Variants in LITAF observed in about 807,000 individuals in gnomAD.
The protein encoded by LITAF is lipopolysaccharide induced TNF factor.
A neutral mutation model predicts 14.5 loss-of-function variants in LITAF; 9 were observed. The ratio of observed to expected loss-of-function variants is 0.62; its 90% CI spans 0.37 to 1.08. The LOEUF is 1.08. LITAF is among the 50% of genes least tolerant of loss of function. The pLI is 0.01. For synonymous variants in LITAF, 98 were observed against 88.2 expected (o/e 1.11, Z -0.62); for missense variants, 206 against 213.4 (o/e 0.97, Z 0.22).
At chr16:11,623,256 C>T (rs947858626) in intron 3 of LITAF, among the ~76,000 whole-genome samples, 8 of 151,796 alleles carry the variant, frequency 5.3e-5, no homozygotes, top group South Asian at 2.1e-4. Context: ...CCACCGCGCC[C>T]GGCCGAATAT....
rs1312922639 is a variant in LITAF at position 11,635,814 on chromosome 16, A to G, written c.-21+11T>C. The G allele has an allele frequency of 3.9e-5, 6 of 152,012 alleles. No homozygotes were observed. The South Asian group carries it at 1.0e-3, about 26-fold the overall frequency. 9.4% of individuals were successfully genotyped at this position (152,012 alleles called of 1,614,324 possible). A position where few individuals can be genotyped will look rare whatever the true frequency, so the allele number is the denominator to read the frequency against. On this transcript the variant is annotated intron_variant, in intron 2 of 3. Coordinates refer to the LITAF transcript ENST00000574848. The stretch of plus-strand genomic sequence containing the variant: ...GACATACGGAGCATTTCTGAGCCAC[A>G]CTCCCAGTACCTTTTTGACTCCTCG...
chr16:11,588,943 G>A (rs556581773), upstream of LITAF, among the ~76,000 whole-genome samples: 12 of 151,474 alleles, frequency 7.9e-5, no homozygotes, highest in Non-Finnish European at 1.6e-4. Context: ...TAGTAAGCCT[G>A]AATTTTCTTC....
intron 3 of LITAF, among the ~76,000 whole-genome samples, chr16:11,611,092 A>G (rs747022784): frequency 7.2e-5 from 11 of 152,120 alleles, no homozygotes; most frequent in Admixed American, 5.2e-4. Flanking sequence ...ATGGTGGCTC[A>G]TGTCTCAGCA....
Position 11,548,722 on chromosome 16 carries a change from T to C in LITAF, c.*915A>G, listed in dbSNP as rs1287639797. On this transcript the variant is annotated 3_prime_UTR_variant, in exon 4 of 4. Transcript: ENST00000622633. ...CCAGCATGGTAGCTTATGCCTGCAA[T>C]CCCAGCACTTCGGGAGGCCAAGGCA... is the stretch of plus-strand genomic sequence containing the variant. The C allele has an allele frequency of 2.2e-6, 1 of 453,706 alleles. No homozygotes were observed. The highest frequency in any genetic ancestry group is 4.4e-6 in the Non-Finnish European group (1 of 226,700). The allele number at this position is 453,706 out of a possible 1,614,324, so 28.1% of individuals were successfully genotyped here.
At chr16:11,592,505 G>C (rs1177445605) in intron 1 of LITAF, among the ~76,000 whole-genome samples, 1 of 151,282 alleles carries the variant, frequency 6.6e-6, no homozygotes, top group East Asian at 1.9e-4. Context: ...AGCCTGGGAG[G>C]TCAACACTGC....
chr16:11,566,567 C>A (rs28719938), intron 1 of LITAF, among the ~76,000 whole-genome samples: 1 of 152,094 alleles, frequency 6.6e-6, no homozygotes, highest in Non-Finnish European at 1.5e-5. Flanking sequence ...AGTTCGAGAC[C>A]GGCCCGGGCA....
At position 11,551,291 on chromosome 16, in the gene LITAF, G is replaced by A. The variant is rs190766434; in HGVS notation, c.378-1546C>T. Among the ~76,000 whole-genome samples the A allele has an allele frequency of 3.4e-3, 511 of 152,264 alleles. 5 individuals are homozygous for A. The highest frequency in any genetic ancestry group is 0.011 in the African/African-American group (467 of 41,550). On this transcript the variant is annotated intron_variant, in intron 3 of 3. Transcript: ENST00000622633. Reference sequence around the variant, plus strand: ...GAATCCTAACCTATGGCTTACAGGTGCAGGCACGGCTCCAGGCAGCACACA... The same window carrying A: ...GAATCCTAACCTATGGCTTACAGGTACAGGCACGGCTCCAGGCAGCACACA...
rs535430984 is a variant in LITAF, at chr16:11,549,934, G to A, written c.378-189C>T. The A allele has an allele frequency of 6.3e-5, 39 of 623,886 alleles. No homozygotes were observed. In the East Asian group the frequency reaches 1.3e-3, roughly 20 times the overall value. 38.6% of individuals were successfully genotyped at this position (623,886 alleles called of 1,614,324 possible). ...ACCCAATGACCTTAGAAGAAGAGGA[G>A]AGGACACACAGAGATACAGAGAGGG... On this transcript the variant is annotated intron_variant, in intron 3 of 3. Coordinates refer to ENST00000622633, the MANE Select transcript of LITAF (RefSeq NM_001136472.2). This position sits in a 1 kb window ranked among gnomAD's most constrained non-coding sequence, Gnocchi z 4.6.
chr16:11,560,276 A>G (rs62022854), intron 1 of LITAF, among the ~76,000 whole-genome samples: 35,739 of 151,586 alleles, frequency 0.24, 5,258 homozygotes, highest in Non-Finnish European at 0.33. Flanking sequence ...TAGCCTGGGC[A>G]ACAGAGTGAG....
At chr16:11,608,514 C>A (rs893677503) in intron 3 of LITAF, among the ~76,000 whole-genome samples, 3 of 152,214 alleles carry the variant, frequency 2.0e-5, no homozygotes, top group Admixed American at 6.5e-5. Context: ...TGGAAACACC[C>A]CAAATGTCCG....
At chr16:11,569,061 AGAGCCCAAAAGGGAAGGAC>A (rs1443672932) in intron 1 of LITAF, among the ~76,000 whole-genome samples, 1 of 152,176 alleles carries the variant, frequency 6.6e-6, no homozygotes, top group Non-Finnish European at 1.5e-5. Flanking sequence ...ACAGGCAGAC[AGAGCCCAAAAGGGAAGGAC>A]GAGTAGGACG....
intron 1 of LITAF, among the ~76,000 whole-genome samples, chr16:11,577,492 A>G (rs113101366): frequency 0.011 from 1,727 of 151,364 alleles, 37 homozygotes; most frequent in African/African-American, 0.04. Context: ...TAGTTTTTGT[A>G]CTTTTAGTAG....
intron 3 of LITAF, among the ~76,000 whole-genome samples, chr16:11,616,807 G>T (rs2065022127): frequency 6.6e-6 from 1 of 150,778 alleles, no homozygotes; most frequent in South Asian, 2.1e-4. Flanking sequence ...AACTACTCAG[G>T]AGGCTGAGGC....
intron 1 of LITAF, among the ~76,000 whole-genome samples, chr16:11,585,130 C>G (rs1289895758): frequency 6.6e-6 from 1 of 151,516 alleles, no homozygotes; most frequent in Non-Finnish European, 1.5e-5. Flanking sequence ...ATTGCTTGAA[C>G]TCAGGCAGGG....
chr16:11,563,802 A>G (rs2064410048), intron 1 of LITAF, among the ~76,000 whole-genome samples: 1 of 152,102 alleles, frequency 6.6e-6, no homozygotes, highest in Non-Finnish European at 1.5e-5. Flanking sequence ...CCCTGGAGGC[A>G]GGGTGCCCAA....
At chr16:11,560,409 G>A (rs996164298) in intron 1 of LITAF, among the ~76,000 whole-genome samples, 3 of 151,646 alleles carry the variant, frequency 2.0e-5, no homozygotes, top group Non-Finnish European at 2.9e-5. Flanking sequence ...TAAGGAGTTC[G>A]AGACCAGCCT....
At chr16:11,627,565 T>C (rs999285104) in intron 3 of LITAF, among the ~76,000 whole-genome samples, 2 of 152,212 alleles carry the variant, frequency 1.3e-5, no homozygotes, top group Admixed American at 1.3e-4. Context: ...ATACAAGGCC[T>C]GGGAGTGGCG....
upstream of LITAF, among the ~76,000 whole-genome samples, chr16:11,587,867 G>A (rs1391152368): frequency 6.6e-6 from 1 of 152,176 alleles, no homozygotes; most frequent in Non-Finnish European, 1.5e-5. Context: ...GCAGAACCAT[G>A]ATGTGGCCAT....
At position 11,554,559 on chromosome 16, in the gene LITAF, G is replaced by A. The variant is rs1026196896; in HGVS notation, c.221-870C>T. Among the ~76,000 whole-genome samples, 11 of 152,078 alleles carry A rather than the reference G, an allele frequency of 7.2e-5. 1 individual carries two copies. The highest frequency in any genetic ancestry group is 3.9e-4 in the Admixed American group (6 of 15,268). On this transcript the variant is annotated intron_variant, in intron 2 of 3. Transcript: ENST00000622633. ...GCAAATCCCTTGGCTTTGGGAGGCC[G>A]AGGTGCGTGGATCACCAGAGGTCAG...
Sources: allele counts gnomAD v4.1 joint callset (sites outside exome capture counted in the v4.1 genomes callset), GRCh38; gene constraint gnomAD v4.1.1; non-coding constraint Gnocchi (gnomAD v3.1); transcripts MANE v1.5; gene names NCBI Gene and HGNC (gene_info 2026-07-23, HGNC 2026-07-21).